The following DCTD variants were observed in gnomAD, a reference collection of about 807,000 sequenced individuals.
DCTD encodes deoxycytidylate deaminase.
A neutral mutation model predicts 21.0 loss-of-function variants in DCTD; 23 were observed. That is an observed-to-expected ratio of 1.09 (90% CI 0.79 to 1.55). The LOEUF (loss-of-function observed/expected upper bound fraction) is 1.55, where lower values mean the gene tolerates loss of function less well. DCTD is among the 40% of genes most tolerant of loss of function. The pLI, the probability that DCTD is intolerant of heterozygous loss-of-function variation, is 0.00. For synonymous variants in DCTD, 71 were observed against 81.1 expected, an observed-to-expected ratio of 0.88 and a Z score of 0.67; for missense variants, 224 against 230.0, an observed-to-expected ratio of 0.97 and a Z score of 0.17.
At chr4:182,903,948 A>G (rs1736201038) in intron 3 of DCTD, among the ~76,000 whole-genome samples, 1 of 152,188 alleles carries the variant, frequency 6.6e-6, no homozygotes, top group South Asian at 2.1e-4. Flanking sequence ...CACAGCACAG[A>G]CAAGCTACTT....
At chr4:182,903,442 G>T (rs1214514657) in intron 3 of DCTD, among the ~76,000 whole-genome samples, 3 of 152,126 alleles carry the variant, frequency 2.0e-5, no homozygotes, top group Non-Finnish European at 4.4e-5. Flanking sequence ...GCATGACAGT[G>T]TAAGTGTGTG....
chr4:182,909,796 A>AAAGT (rs1737357816), intron 3 of DCTD, among the ~76,000 whole-genome samples: 2 of 152,340 alleles, frequency 1.3e-5, no homozygotes, highest in South Asian at 4.1e-4. Context: ...TCAAGGGGGT[A>AAAGT]AAGTAAATGG....
chr4:182,910,117 C>T (rs1174149593), intron 3 of DCTD, among the ~76,000 whole-genome samples: 1 of 152,164 alleles, frequency 6.6e-6, no homozygotes, highest in Non-Finnish European at 1.5e-5. Flanking sequence ...CTACGGTTCC[C>T]TCCCTGGTGC....
At chr4:182,912,240 G>A (rs1015577913) in intron 3 of DCTD, among the ~76,000 whole-genome samples, 3 of 151,812 alleles carry the variant, frequency 2.0e-5, no homozygotes, top group African/African-American at 7.3e-5. Context: ...CTTCTCTGTG[G>A]CCTGAAAAAC....
chr4:182,892,554 G>C (rs1485917649), intron 5 of DCTD, among the ~76,000 whole-genome samples: 1 of 151,970 alleles, frequency 6.6e-6, no homozygotes. Context: ...GCTTGAACCT[G>C]AGAAGCGGAG....
chr4:182,900,759 G>T lies in DCTD; in HGVS notation c.245-6154C>A, dbSNP rs28666432. Reference sequence around the variant, plus strand: ...TTCCCAACCTTGTTTAAAAGGAAAAGAATCAAATGCTGAAAATATCAGATT... The same window carrying T: ...TTCCCAACCTTGTTTAAAAGGAAAATAATCAAATGCTGAAAATATCAGATT... On this transcript the variant is annotated intron_variant, in intron 3 of 5. Transcript: ENST00000438320. Among the ~76,000 whole-genome samples, 843 of 152,084 alleles carry T rather than the reference G, an allele frequency of 5.5e-3. 9 individuals carry two copies. The highest frequency in any genetic ancestry group is 0.019 in the African/African-American group (806 of 41,508).
At chr4:182,905,753 T>C (rs1158749898) in intron 3 of DCTD, among the ~76,000 whole-genome samples, 1 of 152,146 alleles carries the variant, frequency 6.6e-6, no homozygotes, top group African/African-American at 2.4e-5. Flanking sequence ...GGCACTGACA[T>C]ACCTGTACTG....
At chr4:182,892,302 A>G (rs1733910387) in intron 5 of DCTD, among the ~76,000 whole-genome samples, 2 of 152,182 alleles carry the variant, frequency 1.3e-5, no homozygotes, top group South Asian at 4.1e-4. Flanking sequence ...TGCAAGTAAA[A>G]TATAGCTCAC....
At position 182,891,216 on chromosome 4, in the gene DCTD, A is replaced by C. The variant is rs918182200; in HGVS notation, c.*183T>G. On this transcript the variant is annotated 3_prime_UTR_variant, in exon 6 of 6. Coordinates refer to ENST00000438320, the MANE Select transcript of DCTD (RefSeq NM_001921.3). Reference sequence around the variant, plus strand: ...TTTTAAACCCTAAAGCAATAGTTCAAACACATGTAGATTCCATGTGACAAG... The same window carrying C: ...TTTTAAACCCTAAAGCAATAGTTCACACACATGTAGATTCCATGTGACAAG... 7.0e-5 allele frequency: 41 copies of C among 587,434 alleles called. No individual in the cohort carries two copies. The African/African-American group carries it at 7.2e-4, about 10-fold the overall frequency. 36.4% of individuals were successfully genotyped at this position (587,434 alleles called of 1,614,324 possible). A position where few individuals can be genotyped will look rare whatever the true frequency, so the allele number is the denominator to read the frequency against.
intron 3 of DCTD, among the ~76,000 whole-genome samples, chr4:182,898,959 T>A (rs1245962797): frequency 6.6e-6 from 1 of 152,194 alleles, no homozygotes; most frequent in East Asian, 1.9e-4. Context: ...TCAGAATGGA[T>A]CCCGCATACA....
At chr4:182,916,717 A>G in intron 1 of DCTD, 1 of 1,061,666 alleles carries the variant, frequency 9.4e-7, no homozygotes. Context: ...GGTGCTGGAG[A>G]AGTACCTACT....
chr4:182,916,630 C>T (rs1208592541), intron 1 of DCTD: 2 of 999,376 alleles, frequency 2.0e-6, no homozygotes, highest in South Asian at 3.8e-5. Context: ...TGGCAACCCC[C>T]CTAACAGGAA....
intron 3 of DCTD, among the ~76,000 whole-genome samples, chr4:182,898,818 T>C (rs1735207825): frequency 6.6e-6 from 1 of 152,240 alleles, no homozygotes; most frequent in African/African-American, 2.4e-5. Flanking sequence ...TCTGACTTTG[T>C]AAGGCATACA....
intron 3 of DCTD, among the ~76,000 whole-genome samples, chr4:182,909,224 G>A (rs988557801): frequency 3.9e-5 from 6 of 152,050 alleles, no homozygotes; most frequent in Non-Finnish European, 5.9e-5. Flanking sequence ...TCTGAAAACT[G>A]TTTATAAACA....
intron 3 of DCTD, among the ~76,000 whole-genome samples, chr4:182,897,709 C>G (rs1734991154): frequency 6.6e-6 from 1 of 152,142 alleles, no homozygotes; most frequent in African/African-American, 2.4e-5. Context: ...GTTCCCGTAC[C>G]CTTCCCCAGA....
At chr4:182,900,909 T>C (rs1490851333) in intron 3 of DCTD, among the ~76,000 whole-genome samples, 1 of 152,096 alleles carries the variant, frequency 6.6e-6, no homozygotes, top group African/African-American at 2.4e-5. Flanking sequence ...CAGAACTGCA[T>C]TAACCTTGGA....
chr4:182,912,358 C>A (rs1472519943), intron 3 of DCTD, among the ~76,000 whole-genome samples: 1 of 134,266 alleles, frequency 7.4e-6, no homozygotes, highest in African/African-American at 2.7e-5. Flanking sequence ...CTTTTAGAAA[C>A]CATTTAATAC....
intron 3 of DCTD, among the ~76,000 whole-genome samples, chr4:182,897,281 G>A (rs895319132): frequency 4.0e-5 from 6 of 151,142 alleles, no homozygotes; most frequent in African/African-American, 1.5e-4. Context: ...AGAATGTAAA[G>A]CTTCTTGTTA....
intron 3 of DCTD, among the ~76,000 whole-genome samples, chr4:182,896,720 G>A (rs575850658): frequency 1.3e-5 from 2 of 152,278 alleles, no homozygotes; most frequent in South Asian, 2.1e-4. Context: ...TGGGTTTCAC[G>A]CTGCTTGGTG....
Sources: gnomAD v4.1 joint callset for allele counts (sites outside exome capture counted in the v4.1 genomes callset) on GRCh38, gnomAD v4.1.1 for gene constraint, MANE v1.5 for transcripts, NCBI Gene and HGNC (gene_info 2026-07-23, HGNC 2026-07-21) for gene names.